LAPTM4B: variants seen among roughly 807,000 people sequenced by gnomAD.
The protein encoded by LAPTM4B is lysosomal protein transmembrane 4 beta, also known as lysosomal-associated transmembrane protein 4B.
Under a neutral mutation model 28.5 loss-of-function variants are expected in LAPTM4B, and 26 were observed. The observed-to-expected ratio is 0.91, with a 90% CI of 0.67 to 1.27. The LOEUF is 1.27. Ranked by LOEUF, LAPTM4B falls within the 50% of genes most tolerant of loss-of-function variation. The pLI, the probability that LAPTM4B is intolerant of heterozygous loss-of-function variation, is 0.00. For synonymous variants in LAPTM4B, 109 were observed against 106.4 expected, an observed-to-expected ratio of 1.02 and a Z score of -0.15; for missense variants, 288 against 285.8, an observed-to-expected ratio of 1.01 and a Z score of -0.06.
At chr8:97,776,958 C>T (rs1816229598) in intron 1 of LAPTM4B, among the ~76,000 whole-genome samples, 1 of 151,950 alleles carries the variant, frequency 6.6e-6, no homozygotes, top group Admixed American at 6.6e-5. Flanking sequence ...ACCTGCCCTG[C>T]GTTGGTTGGT....
At chr8:97,818,490 C>G (rs1816956545) in intron 4 of LAPTM4B, among the ~76,000 whole-genome samples, 1 of 152,150 alleles carries the variant, frequency 6.6e-6, no homozygotes, top group South Asian at 2.1e-4. Context: ...ACCATAGTAG[C>G]AGACTTTGAT....
At position 97,832,569 on chromosome 8, in the gene LAPTM4B, T is replaced by G. The variant is rs547892313; in HGVS notation, c.603+7416T>G. ...GAATTATATTCCTGGAAAAGGTAGA[T>G]TTATCTTTTCTCTTAACATAGTTGT... On this transcript the variant is annotated intron_variant, in intron 6 of 6. Coordinates refer to ENST00000521545, the MANE Select transcript of LAPTM4B (RefSeq NM_018407.6). Among the ~76,000 whole-genome samples, 3 of 152,268 alleles carry G rather than the reference T, an allele frequency of 2.0e-5. No homozygotes were observed. The South Asian group carries it at 6.2e-4, about 32-fold the overall frequency.
chr8:97,848,947 A>G (rs1234187994), intron 6 of LAPTM4B, among the ~76,000 whole-genome samples: 1 of 147,334 alleles, frequency 6.8e-6, no homozygotes, highest in African/African-American at 2.5e-5. Context: ...CCGCAGCTCA[A>G]GCTGACACTT....
intron 2 of LAPTM4B, among the ~76,000 whole-genome samples, chr8:97,809,714 C>T (rs574423898): frequency 1.3e-5 from 2 of 152,096 alleles, no homozygotes; most frequent in Non-Finnish European, 2.9e-5. Flanking sequence ...TAAAAAATTA[C>T]GAAAATTAAT....
In LAPTM4B at chr8:97,852,879, A is replaced by T. The variant is rs1348872587; in HGVS notation, c.*1405A>T. ...TCAAGCTTTTGCTCAAGTAATTACT[A>T]TGAAATAACAATTTCTAGAAATGAA... On this transcript the variant is annotated 3_prime_UTR_variant, in exon 7 of 7. Transcript: ENST00000521545. 1 of 388,622 alleles carries T rather than the reference A, an allele frequency of 2.6e-6. No individual in the cohort carries two copies. The highest frequency in any genetic ancestry group is 4.6e-6 in the Non-Finnish European group (1 of 217,066). 24.1% of individuals were successfully genotyped at this position (388,622 alleles called of 1,614,324 possible).
At chr8:97,841,635 A>T (rs1817351360) in intron 6 of LAPTM4B, among the ~76,000 whole-genome samples, 1 of 152,226 alleles carries the variant, frequency 6.6e-6, no homozygotes, top group Admixed American at 6.5e-5. Context: ...GATATCTTAA[A>T]GATAAGCCCA....
At chr8:97,831,125 T>C (rs1483199123) in intron 6 of LAPTM4B, among the ~76,000 whole-genome samples, 3 of 152,100 alleles carry the variant, frequency 2.0e-5, no homozygotes, top group East Asian at 3.9e-4. Flanking sequence ...TTCCTGAGGA[T>C]TGAGGATGAT....
At chr8:97,796,165 T>C (rs906611320) in intron 1 of LAPTM4B, among the ~76,000 whole-genome samples, 1 of 152,234 alleles carries the variant, frequency 6.6e-6, no homozygotes, top group Non-Finnish European at 1.5e-5. Context: ...GGTCTCCGAT[T>C]CCTGACCTCA....
chr8:97,830,589 A>G (rs1056476250), intron 6 of LAPTM4B, among the ~76,000 whole-genome samples: 6 of 152,168 alleles, frequency 3.9e-5, no homozygotes, highest in Middle Eastern at 3.2e-3. Flanking sequence ...AGTAAGTTGA[A>G]GAGAAGTGGG....
At chr8:97,847,883 TGAAA>T (rs1423410358) in intron 6 of LAPTM4B, among the ~76,000 whole-genome samples, 1 of 152,224 alleles carries the variant, frequency 6.6e-6, no homozygotes, top group Non-Finnish European at 1.5e-5. Context: ...GAAACTTTAA[TGAAA>T]GGAGAAATTC....
At chr8:97,826,280 C>A (rs558588579) in intron 6 of LAPTM4B, among the ~76,000 whole-genome samples, 1 of 152,206 alleles carries the variant, frequency 6.6e-6, no homozygotes, top group East Asian at 1.9e-4. Context: ...AATAGACAGC[C>A]ATGACCAGAT....
At chr8:97,803,004 G>C (rs1816710495) in intron 1 of LAPTM4B, among the ~76,000 whole-genome samples, 1 of 151,846 alleles carries the variant, frequency 6.6e-6, no homozygotes, top group Non-Finnish European at 1.5e-5. Flanking sequence ...TTCAAGACCA[G>C]CCTGACCAAG....
intron 6 of LAPTM4B, among the ~76,000 whole-genome samples, chr8:97,834,421 A>C (rs890840744): frequency 6.6e-5 from 10 of 152,248 alleles, no homozygotes; most frequent in African/African-American, 2.2e-4. Flanking sequence ...CTTTCAAAGA[A>C]GAAAAATAAA....
In LAPTM4B at chr8:97,806,409, C is replaced by T. The variant is rs995838759; in HGVS notation, c.211+945C>T. ...TTGCTGTTTTGGGCAGCGAAGGAGA[C>T]GGAGGAATCAAAGATGACTTCTGCT... On this transcript the variant is annotated intron_variant, in intron 2 of 6. Transcript: ENST00000521545. Among the ~76,000 whole-genome samples, 17 of 151,992 alleles carry T rather than the reference C, an allele frequency of 1.1e-4. 1 individual carries two copies. In the East Asian group the frequency reaches 2.9e-3, roughly 26 times the overall value.
At chr8:97,822,534 T>G (rs62524126) in intron 5 of LAPTM4B, among the ~76,000 whole-genome samples, 1 of 136,530 alleles carries the variant, frequency 7.3e-6, no homozygotes. Flanking sequence ...TCTATTTTAT[T>G]TATTTATTTA....
At chr8:97,817,213 C>G (rs955326706) in intron 4 of LAPTM4B, among the ~76,000 whole-genome samples, 2 of 152,140 alleles carry the variant, frequency 1.3e-5, no homozygotes, top group South Asian at 2.1e-4. Flanking sequence ...CTTGCTGCAG[C>G]GTTGACCTCC....
chr8:97,776,959 G>T (rs1175743697), intron 1 of LAPTM4B, among the ~76,000 whole-genome samples: 2 of 151,938 alleles, frequency 1.3e-5, no homozygotes, highest in Non-Finnish European at 2.9e-5. Context: ...CCTGCCCTGC[G>T]TTGGTTGGTG....
At chr8:97,834,055 C>T (rs1049446809) in intron 6 of LAPTM4B, among the ~76,000 whole-genome samples, 4 of 150,882 alleles carry the variant, frequency 2.7e-5, no homozygotes, top group Non-Finnish European at 5.9e-5. Context: ...CAGTGGCTCA[C>T]GCCTGTAATT....
intron 1 of LAPTM4B, among the ~76,000 whole-genome samples, chr8:97,782,720 G>A (rs542138934): frequency 5.4e-4 from 81 of 148,654 alleles, no homozygotes; most frequent in Non-Finnish European, 7.9e-4. Context: ...ACGGGCGTGA[G>A]CCACCGTCCC....
Sources: gnomAD v4.1 joint callset for allele counts (sites outside exome capture counted in the v4.1 genomes callset) on GRCh38, gnomAD v4.1.1 for gene constraint, MANE v1.5 for transcripts, NCBI Gene and HGNC (gene_info 2026-07-23, HGNC 2026-07-21) for gene names.